STK32B: variants seen among roughly 807,000 people sequenced by gnomAD.
STK32B encodes the protein serine/threonine-protein kinase 32B.
STK32B carries 43 observed loss-of-function variants against 52.6 expected under a neutral mutation model. That is an observed-to-expected ratio of 0.82 (90% CI 0.64 to 1.05). STK32B has a LOEUF of 1.05. Among genes scored for constraint, STK32B ranks in the 50% least tolerant of loss-of-function variants. The pLI, the probability that STK32B is intolerant of heterozygous loss-of-function variation, is 0.00. For synonymous variants in STK32B, 238 were observed against 204.3 expected (o/e 1.17, Z -1.41); for missense variants, 621 against 534.6 (o/e 1.16, Z -1.59).
intron 4 of STK32B, among the ~76,000 whole-genome samples, chr4:5,370,434 A>G (rs2109010780): frequency 6.6e-6 from 1 of 152,312 alleles, no homozygotes; most frequent in Non-Finnish European, 1.5e-5. Context: ...GATGGTTGTG[A>G]AGAGAGTGAG....
At chr4:5,062,813 T>C (rs1742268118) in intron 1 of STK32B, among the ~76,000 whole-genome samples, 1 of 152,172 alleles carries the variant, frequency 6.6e-6, no homozygotes. Context: ...TGGACAGTTT[T>C]TATTGTTTTT....
At chr4:5,059,558 C>G (rs970489408) in intron 1 of STK32B, among the ~76,000 whole-genome samples, 4 of 152,162 alleles carry the variant, frequency 2.6e-5, no homozygotes, top group Non-Finnish European at 5.9e-5. Context: ...GGGGTAAACA[C>G]CACTTCATCA....
chr4:5,404,974 C>A (rs972645907), intron 5 of STK32B, among the ~76,000 whole-genome samples: 1 of 147,476 alleles, frequency 6.8e-6, no homozygotes. Flanking sequence ...TCATGCCATT[C>A]TCTGGCCTCA....
chr4:5,205,214 A>G (rs1464307296), intron 3 of STK32B, among the ~76,000 whole-genome samples: 2 of 151,320 alleles, frequency 1.3e-5, no homozygotes, highest in Non-Finnish European at 2.9e-5. Context: ...TTTGGACACC[A>G]CTGGGACTTA....
chr4:5,462,288 C>CTGTGTGTGTGTACCTGCTTG (rs1334470805), intron 9 of STK32B, among the ~76,000 whole-genome samples: 2 of 150,218 alleles, frequency 1.3e-5, no homozygotes, highest in Non-Finnish European at 3.0e-5. Flanking sequence ...GTGTATGTGT[C>CTGTGTGTGTGTACCTGCTTG]TGTGTGTGTG....
intron 3 of STK32B, among the ~76,000 whole-genome samples, chr4:5,319,034 G>C (rs528458016): frequency 6.6e-6 from 1 of 152,048 alleles, no homozygotes; most frequent in Non-Finnish European, 1.5e-5. Flanking sequence ...TCGATCTCCT[G>C]ACCTTGTGAT....
intron 1 of STK32B, among the ~76,000 whole-genome samples, chr4:5,124,445 T>G (rs577639414): frequency 6.6e-6 from 1 of 152,276 alleles, no homozygotes; most frequent in South Asian, 2.1e-4. Flanking sequence ...CATGCAGTGT[T>G]TCCTAACCCA....
intron 1 of STK32B, among the ~76,000 whole-genome samples, chr4:5,107,395 G>A (rs1179429991): frequency 1.3e-5 from 2 of 152,106 alleles, no homozygotes; most frequent in East Asian, 1.9e-4. Context: ...GAGTCATTCC[G>A]AAATCATCCT....
intron 3 of STK32B, among the ~76,000 whole-genome samples, chr4:5,283,868 A>G (rs751252578): frequency 3.0e-4 from 45 of 152,186 alleles, no homozygotes; most frequent in Non-Finnish European, 5.6e-4. Flanking sequence ...AGCTGAAACA[A>G]AAGGCCACTA....
chr4:5,054,513 T>G (rs1176344625), intron 1 of STK32B, among the ~76,000 whole-genome samples: 5 of 138,314 alleles, frequency 3.6e-5, no homozygotes, highest in Non-Finnish European at 6.3e-5. Context: ...CTGGCTCATG[T>G]GGGGGGATTG....
chr4:5,170,772 G>C (rs1217298097), intron 3 of STK32B, among the ~76,000 whole-genome samples: 2 of 152,104 alleles, frequency 1.3e-5, no homozygotes, highest in Non-Finnish European at 2.9e-5. Flanking sequence ...GTAAACATAC[G>C]TGTGCATGTG....
rs377497516 is a variant in STK32B, at chr4:5,141,445, G to A, written c.108+1485G>A. Among the ~76,000 whole-genome samples the A allele has an allele frequency of 1.6e-4, 24 of 152,296 alleles. No individual in the cohort carries two copies. The East Asian group carries it at 2.9e-3, about 18-fold the overall frequency. The stretch of plus-strand genomic sequence containing the variant: ...GGTGCAAGGTGAGGTCAGTGAAGTC[G>A]GCGAGGCCCAGGTCTTAGAGGACTT... On this transcript the variant is annotated intron_variant, in intron 2 of 11. Coordinates refer to ENST00000282908, the MANE Select transcript of STK32B (RefSeq NM_018401.3).
chr4:5,211,605 T>C (rs561079006), intron 3 of STK32B, among the ~76,000 whole-genome samples: 17 of 152,210 alleles, frequency 1.1e-4, no homozygotes, highest in Non-Finnish European at 1.6e-4. Context: ...CTTATTTGCT[T>C]GCGGAATAAG....
intron 6 of STK32B, among the ~76,000 whole-genome samples, chr4:5,440,288 G>A (rs1714593274): frequency 6.6e-6 from 1 of 152,100 alleles, no homozygotes; most frequent in African/African-American, 2.4e-5. Context: ...CTTGAGCAGT[G>A]GCTTGTAGTT....
At chr4:5,186,960 C>T (rs943817277) in intron 3 of STK32B, among the ~76,000 whole-genome samples, 2 of 152,212 alleles carry the variant, frequency 1.3e-5, no homozygotes, top group African/African-American at 2.4e-5. Context: ...CACCTGCCCG[C>T]ACTCCGACAC....
intron 4 of STK32B, among the ~76,000 whole-genome samples, chr4:5,354,336 G>A (rs901072042): frequency 6.6e-6 from 1 of 152,170 alleles, no homozygotes; most frequent in East Asian, 1.9e-4. Flanking sequence ...CGCCATCTCA[G>A]CTCCCTGCAA....
upstream of STK32B, among the ~76,000 whole-genome samples, chr4:5,048,590 C>G (rs955741427): frequency 2.0e-5 from 3 of 152,162 alleles, no homozygotes; most frequent in Non-Finnish European, 4.4e-5. Flanking sequence ...AGCCACCGTG[C>G]CTGGCCTAAT....
chr4:5,195,107 C>G (rs890596096), intron 3 of STK32B, among the ~76,000 whole-genome samples: 124 of 152,216 alleles, frequency 8.1e-4, no homozygotes, highest in African/African-American at 3.0e-3. Flanking sequence ...TTGTCTCATT[C>G]TGTTTTTTCA....
At chr4:5,497,863 G>T (rs550303943) in intron 11 of STK32B, among the ~76,000 whole-genome samples, 27 of 152,078 alleles carry the variant, frequency 1.8e-4, no homozygotes, top group Non-Finnish European at 2.9e-4. Flanking sequence ...AAGACAACAG[G>T]TGTTGACAAC....
Sources: allele counts gnomAD v4.1 joint callset (sites outside exome capture counted in the v4.1 genomes callset), GRCh38; gene constraint gnomAD v4.1.1; transcripts MANE v1.5; gene names NCBI Gene and HGNC (gene_info 2026-07-23, HGNC 2026-07-21).